Variants in PARP10 observed in about 807,000 individuals in gnomAD.
PARP10 encodes the protein protein mono-ADP-ribosyltransferase PARP10.
In PARP10, 56 loss-of-function variants were observed where a neutral mutation model predicts 82.4. The ratio of observed to expected loss-of-function variants is 0.68; its 90% CI spans 0.55 to 0.85. The LOEUF is 0.85. Among genes scored for constraint, PARP10 ranks in the 40% least tolerant of loss-of-function variants. The probability of loss-of-function intolerance (pLI) is 0.00; values close to 1 mark genes in which losing one functional copy is unlikely to be tolerated. For synonymous variants in PARP10, 576 were observed against 601.1 expected (o/e 0.96, Z 0.61); for missense variants, 1,227 against 1,379.4 (o/e 0.89, Z 1.75).
chr8:143,995,253 G>C (rs1834156173), upstream of PARP10, among the ~76,000 whole-genome samples: 1 of 152,196 alleles, frequency 6.6e-6, no homozygotes, highest in Admixed American at 6.5e-5. Flanking sequence ...GATGAGTCTG[G>C]CAATAGACGG....
chr8:143,983,656 C>A lies in PARP10; in HGVS notation c.1933G>T (p.Val645Leu). 3.1e-6 allele frequency: 5 copies of A among 1,608,706 alleles called. No homozygotes were observed. The highest frequency in any genetic ancestry group is 4.2e-6 in the Non-Finnish European group (5 of 1,177,532). Residue 645 changes from valine to leucine, a missense_variant, in exon 8 of 11, where the codon GTG becomes TTG. Coordinates refer to ENST00000313028, the MANE Select transcript of PARP10 (RefSeq NM_032789.5). Reference protein sequence around the residue: ...EEEEPVAPSTVAPRWLEEEAA... With the variant: ...EEEEPVAPSTLAPRWLEEEAA... ...TCCTCCTCCAGCCACCTGGGTGCCACAGTGCTGGGGGCCACAGGCTCCTCC... is the reference window on the plus strand; with the variant it reads ...TCCTCCTCCAGCCACCTGGGTGCCAAAGTGCTGGGGGCCACAGGCTCCTCC...
chr8:143,993,206 C>T (rs967675974), upstream of PARP10: 2 of 277,646 alleles, frequency 7.2e-6, no homozygotes, highest in African/African-American at 4.4e-5. Context: ...CACGTCTTCC[C>T]TCCTGTCCCA....
chr8:143,997,176 T>C (rs779425373), intron 1 of PARP10, among the ~76,000 whole-genome samples: 9 of 152,208 alleles, frequency 5.9e-5, no homozygotes, highest in Non-Finnish European at 1.3e-4. Flanking sequence ...CACTGAAGAC[T>C]TTTCAGAATG....
chr8:143,991,279 C>T, upstream of PARP10: 2 of 1,528,842 alleles, frequency 1.3e-6, no homozygotes, highest in Non-Finnish European at 1.8e-6. Flanking sequence ...CCCCCCAACC[C>T]TGGATATCCG....
chr8:143,995,295 G>T (rs1450111236), upstream of PARP10, among the ~76,000 whole-genome samples: 1 of 152,214 alleles, frequency 6.6e-6, no homozygotes, highest in Non-Finnish European at 1.5e-5. Flanking sequence ...GTGAACAGGT[G>T]AAGTGGGCCA....
upstream of PARP10, chr8:143,989,560 C>T (rs1277739717): frequency 2.6e-5 from 4 of 152,060 alleles, no homozygotes; most frequent in African/African-American, 9.7e-5. This position sits in a 1 kb window ranked among gnomAD's most constrained non-coding sequence, Gnocchi z 4.3. Flanking sequence ...TCAAAACATC[C>T]CATGTAGCCC....
rs782709166 is a variant in PARP10, at chr8:143,986,122, T to C, written c.114A>G (p.Gly38=). The C allele has an allele frequency of 1.2e-6, 2 of 1,613,994 alleles. No individual in the cohort carries two copies. Among genetic ancestry groups the C allele is most frequent in the Non-Finnish European group, 1.7e-6 (2 of 1,179,974 alleles). The change falls in exon 2 of 11, where the codon GGA becomes GGG. Residue 38 remains glycine (G), a synonymous_variant. Coordinates refer to ENST00000313028, the MANE Select transcript of PARP10 (RefSeq NM_032789.5). ...TCTGCCAGCTCAACACAGGTCCCCC[T>C]CCAGAGCGTCGGCGGTTTTCAAAGT... ...TLYFENRRRS[G]GGPVLSWQRL...
chr8:143,985,674 A>G, intron 3 of PARP10, 26 bp from the exon 4 acceptor site: 1 of 1,606,072 alleles, frequency 6.2e-7, no homozygotes, highest in Non-Finnish European at 8.5e-7. Flanking sequence ...AGGTCAGCTC[A>G]GGGAATCCCC....
rs1451506470 is a variant in PARP10, at chr8:143,981,954, G to A, written c.2556+978C>T. On this transcript the variant is annotated intron_variant, in intron 9 of 10. Coordinates refer to ENST00000313028, the MANE Select transcript of PARP10 (RefSeq NM_032789.5). ...GGTGGTGGTGATGACAGTGAGTGGT[G>A]AGGGTCATGGTGATGGTGTGATGGT... Among the ~76,000 whole-genome samples, 24 of 152,194 alleles carry A rather than the reference G, an allele frequency of 1.6e-4. No individual in the cohort carries two copies. In the East Asian group the frequency reaches 4.4e-3, roughly 28 times the overall value.
chr8:143,997,420 T>C (rs1834171391), intron 1 of PARP10, among the ~76,000 whole-genome samples: 2 of 152,070 alleles, frequency 1.3e-5, no homozygotes, highest in Admixed American at 6.6e-5. Context: ...AGTACCAAGC[T>C]CAAAATCTTC....
chr8:143,977,736 C>T lies in PARP10; in HGVS notation c.2826G>A (p.Ala942=), dbSNP rs1554746590. 8 of 1,601,764 alleles carry T rather than the reference C, an allele frequency of 5.0e-6. No individual in the cohort carries two copies. The South Asian group carries it at 7.8e-5, about 16-fold the overall frequency. The part of the protein sequence containing the change: ...YSPPNADGHK[A]VFVARVLTGD... ...CAGTCAGCACCCGTGCCACGAACACCGCCTTATGGCCATCGGCGTTGGGGG... is the reference window on the plus strand; with the variant it reads ...CAGTCAGCACCCGTGCCACGAACACTGCCTTATGGCCATCGGCGTTGGGGG... Residue 942 remains alanine (A), a synonymous_variant, in exon 11 of 11, where the codon GCG becomes GCA. Coordinates refer to ENST00000313028, the MANE Select transcript of PARP10 (RefSeq NM_032789.5).
At chr8:143,991,446 C>A, upstream of PARP10, 2 of 1,473,212 alleles carry the variant, frequency 1.4e-6, no homozygotes, top group South Asian at 1.4e-5. Flanking sequence ...GGGTCCCTAC[C>A]CCCAAGGGGG....
chr8:143,980,318 TCAAAAAAAAAAAAA>T (rs1313042267), intron 9 of PARP10, among the ~76,000 whole-genome samples: 6 of 15,680 alleles, frequency 3.8e-4, no homozygotes, highest in African/African-American at 8.3e-4. Context: ...AGATTCCGTC[TCAAAAAAAAAAAAA>T]AAAAAAAAAA....
chr8:143,985,863 A>AG lies in PARP10; in HGVS notation c.293dup (p.Gly99TrpfsTer46). The AG allele has an allele frequency of 1.2e-6, 2 of 1,608,530 alleles. No individual in the cohort carries two copies. Among genetic ancestry groups the AG allele is most frequent in the South Asian group, 1.1e-5 (1 of 90,804 alleles). The stretch of plus-strand genomic sequence containing the variant: ...GCTCCAAGCGCTGGGGCGTGGTGCC[A>AG]GGGGGCAGTCCTTGGAGCAGCAGGC... On this transcript the variant is annotated frameshift_variant, in exon 3 of 11. Coordinates refer to ENST00000313028, the MANE Select transcript of PARP10 (RefSeq NM_032789.5). LOFTEE classifies it high-confidence loss of function.
rs1298030540 is a variant in PARP10 at position 143,983,483 on chromosome 8, C to G, written c.2106G>C (p.Gly702=). The G allele has an allele frequency of 5.0e-6, 8 of 1,606,596 alleles. No homozygotes were observed. In the South Asian group the frequency reaches 6.7e-5, roughly 13 times the overall value. Residue 702 remains glycine, a synonymous_variant, in exon 8 of 11, where the codon GGG becomes GGC. Coordinates refer to ENST00000313028, the MANE Select transcript of PARP10 (RefSeq NM_032789.5). ...PLEAEEPPDG[G]TDGKAQLVVH... ...CCACCAGCTGGGCCTTGCCATCAGT[C>G]CCCCCATCTGGGGGCTCTTCTGCCT... is the stretch of plus-strand genomic sequence containing the variant.
Position 143,977,390 on chromosome 8 carries a change from G to T in PARP10, c.*94C>A. 2 of 1,213,872 alleles carry T rather than the reference G, an allele frequency of 1.6e-6. No individual in the cohort carries two copies. The highest frequency in any genetic ancestry group is 2.2e-6 in the Non-Finnish European group (2 of 893,598). The allele number at this position is 1,213,872 out of a possible 1,614,324, so 75.2% of individuals were successfully genotyped here. On this transcript the variant is annotated 3_prime_UTR_variant, in exon 11 of 11. Coordinates refer to ENST00000313028, the MANE Select transcript of PARP10 (RefSeq NM_032789.5). ...AGAGGGAGGCAGGGGCGTCCCCGGG[G>T]ACAGCTCAGGCGGCCACAGTTGGGG...
Position 143,977,564 on chromosome 8 carries a change from G to A in PARP10, c.2998C>T (p.His1000Tyr). The change falls in exon 11 of 11, where the codon CAC becomes TAC. Residue 1000 changes from histidine to tyrosine, a missense_variant. Transcript: ENST00000313028. ...IFHDTQALPT[H>Y]LITCEHVPRA... ...GGCACGTGCTCGCAGGTGATGAGGT[G>A]GGTGGGCAGCGCCTGGGTGTCGTGG... 1.3e-6 allele frequency: 2 copies of A among 1,572,572 alleles called. No homozygotes were observed. Among genetic ancestry groups the A allele is most frequent in the Non-Finnish European group, 1.7e-6 (2 of 1,159,396 alleles).
chr8:144,012,259 C>T lies in PARP10; in HGVS notation c.-80+271G>A, dbSNP rs183404587. 5.8e-4 allele frequency among the ~76,000 whole-genome samples: 88 copies of T among 152,248 alleles called. 2 individuals carry two copies. Among genetic ancestry groups the T allele is most frequent in the Admixed American group, 3.7e-3 (56 of 15,298 alleles). On this transcript the variant is annotated intron_variant, in intron 1 of 3. Transcript: ENST00000530478. ...AGAGGCACCATGAGGGTGAAGTTGG[C>T]GAGACAGAGAAAAGGTCAGGACATT...
upstream of PARP10, chr8:143,993,139 G>A (rs1834128910): frequency 1.3e-5 from 5 of 380,952 alleles, no homozygotes; most frequent in South Asian, 1.3e-4. Flanking sequence ...GCCCACCCCA[G>A]GGACTGGGGG....
Sources: allele counts gnomAD v4.1 joint callset (sites outside exome capture counted in the v4.1 genomes callset), GRCh38; gene constraint gnomAD v4.1.1; non-coding constraint Gnocchi (gnomAD v3.1); transcripts MANE v1.5; gene names NCBI Gene and HGNC (gene_info 2026-07-23, HGNC 2026-07-21).